TRMT9B: variants seen among roughly 807,000 people sequenced by gnomAD.
TRMT9B encodes the protein probable tRNA methyltransferase 9B.
In TRMT9B, 16 loss-of-function variants were observed where a neutral mutation model predicts 11.5. The ratio of observed to expected loss-of-function variants is 1.39; its 90% CI spans 0.94 to 2.11. The LOEUF is 2.11. TRMT9B is among the 30% of genes most tolerant of loss of function. The probability of loss-of-function intolerance (pLI) is 0.00; values close to 1 mark genes in which losing one functional copy is unlikely to be tolerated. For missense variants in TRMT9B, 941 were observed against 553.8 expected (o/e 1.70, Z -7.02); for synonymous variants, 274 against 192.4 (o/e 1.42, Z -3.51).
chr8:13,004,387 C>G (rs9657262), intron 2 of TRMT9B, among the ~76,000 whole-genome samples: 1 of 151,702 alleles, frequency 6.6e-6, no homozygotes, highest in African/African-American at 2.4e-5. Flanking sequence ...GGCTGCACAG[C>G]TCCTGGCTCC....
At position 12,955,246 on chromosome 8, in the gene TRMT9B, A is replaced by T. The variant is rs147495777; in HGVS notation, c.-200+9280A>T. Among the ~76,000 whole-genome samples, 698 of 152,270 alleles carry T rather than the reference A, an allele frequency of 4.6e-3. 3 individuals are homozygous for T. Among genetic ancestry groups the T allele is most frequent in the African/African-American group, 0.015 (644 of 41,552 alleles). On this transcript the variant is annotated intron_variant, in intron 1 of 4. Transcript: ENST00000524591. The stretch of plus-strand genomic sequence containing the variant: ...TCCTTTGGGAGCCAGAGGCTGTCAC[A>T]CTTGCATCTTCTCCACCCTAGACAG...
chr8:13,021,749 T>G lies in TRMT9B; in HGVS notation c.1070T>G (p.Val357Gly). Reference protein sequence around the residue: ...GNFLDSTNTGVNCVDAGNIED... With the variant: ...GNFLDSTNTGGNCVDAGNIED... ...TTTCTGGATAGCACTAATACTGGTG[T>G]GAATTGTGTGGATGCAGGCAACATA... Residue 357 changes from valine to glycine, a missense_variant, in exon 5 of 5, where the codon GTG (valine) becomes GGG (glycine). Transcript: ENST00000524591. The G allele has an allele frequency of 1.2e-6, 2 of 1,613,964 alleles. No homozygotes were observed. The highest frequency in any genetic ancestry group is 1.7e-6 in the Non-Finnish European group (2 of 1,179,874).
chr8:12,995,790 G>A (rs1327233540), intron 2 of TRMT9B, among the ~76,000 whole-genome samples: 1 of 152,076 alleles, frequency 6.6e-6, no homozygotes, highest in African/African-American at 2.4e-5. Context: ...TAGGTTCTAA[G>A]GCTTTTAAAT....
intron 1 of TRMT9B, among the ~76,000 whole-genome samples, chr8:12,950,758 G>C (rs1800542423): frequency 6.6e-6 from 1 of 152,038 alleles, no homozygotes. Context: ...AAATAGACCA[G>C]CGTCTATGTG....
intron 1 of TRMT9B, among the ~76,000 whole-genome samples, chr8:12,978,551 G>T (rs1273479226): frequency 1.4e-5 from 2 of 146,318 alleles, no homozygotes; most frequent in African/African-American, 2.5e-5. Flanking sequence ...TAGATAGATA[G>T]ATAGATAGAT....
intron 1 of TRMT9B, among the ~76,000 whole-genome samples, chr8:12,959,516 C>CTCTTTTTT (rs757156112): frequency 1.3e-5 from 1 of 74,896 alleles, no homozygotes; most frequent in African/African-American, 5.0e-5. Context: ...TTTTTCCTTC[C>CTCTTTTTT]TTTTTTTTTT....
intron 2 of TRMT9B, among the ~76,000 whole-genome samples, chr8:12,998,167 A>G (rs1808719587): frequency 6.6e-6 from 1 of 152,200 alleles, no homozygotes; most frequent in African/African-American, 2.4e-5. Context: ...ATGTACTACG[A>G]ATACTTCTTC....
chr8:13,011,854 T>C, intron 3 of TRMT9B: 1 of 976,306 alleles, frequency 1.0e-6, no homozygotes, highest in Non-Finnish European at 1.2e-6. Flanking sequence ...TAAAAATTCT[T>C]TTCTAATTCA....
In TRMT9B at chr8:13,028,690, C is replaced by G. The variant is rs767493683; in HGVS notation, c.*6646C>G. On this transcript the variant is annotated 3_prime_UTR_variant, in exon 5 of 5. Coordinates refer to ENST00000524591, the MANE Select transcript of TRMT9B (RefSeq NM_020844.3). The stretch of plus-strand genomic sequence containing the variant: ...TCCCAGGTTTAAGCAATTCTCGTGC[C>G]TCAGCCTCCTGAATAGCTGGGATTA... The G allele has an allele frequency of 6.6e-6, 1 of 152,474 alleles. No individual in the cohort carries two copies. Among genetic ancestry groups the G allele is most frequent in the South Asian group, 2.1e-4 (1 of 4,778 alleles). The allele number at this position is 152,474 out of a possible 1,614,324, so 9.4% of individuals were successfully genotyped here.
In TRMT9B at chr8:13,026,929, G is replaced by A. The variant is rs1435744436; in HGVS notation, c.*4885G>A. 2 of 167,034 alleles carry A rather than the reference G, an allele frequency of 1.2e-5. No individual in the cohort carries two copies. Among genetic ancestry groups the A allele is most frequent in the East Asian group, 1.9e-4 (1 of 5,208 alleles). 10.3% of individuals were successfully genotyped at this position (167,034 alleles called of 1,614,324 possible). On this transcript the variant is annotated 3_prime_UTR_variant, in exon 5 of 5. Transcript: ENST00000524591. ...ACAGCTAGACAATAATTCAATAGTAGTCTCTTACATATTTTCCCTTTTATC... is the reference window on the plus strand; with the variant it reads ...ACAGCTAGACAATAATTCAATAGTAATCTCTTACATATTTTCCCTTTTATC...
intron 1 of TRMT9B, among the ~76,000 whole-genome samples, chr8:12,956,300 T>G (rs1249512282): frequency 3.3e-5 from 5 of 152,202 alleles, no homozygotes; most frequent in Non-Finnish European, 5.9e-5. Flanking sequence ...TTAAAATTGG[T>G]AGAGATTGAC....
chr8:12,990,319 G>T (rs1194920998), intron 1 of TRMT9B, among the ~76,000 whole-genome samples: 1 of 152,086 alleles, frequency 6.6e-6, no homozygotes, highest in Non-Finnish European at 1.5e-5. Flanking sequence ...GTGGTTTTTG[G>T]TGCATTATTT....
At chr8:13,000,211 A>T (rs1185060438) in intron 2 of TRMT9B, among the ~76,000 whole-genome samples, 1 of 152,186 alleles carries the variant, frequency 6.6e-6, no homozygotes, top group African/African-American at 2.4e-5. Context: ...ATCTTTTCAG[A>T]TGACGTTTAT....
intron 2 of TRMT9B, among the ~76,000 whole-genome samples, chr8:13,003,773 C>G (rs1329550054): frequency 1.3e-5 from 2 of 150,766 alleles, no homozygotes; most frequent in Non-Finnish European, 1.5e-5. Context: ...GGTGTGTCCC[C>G]ACTCCGCCAC....
At chr8:13,012,089 C>G (rs1178847212) in intron 3 of TRMT9B, 3 of 985,406 alleles carry the variant, frequency 3.0e-6, no homozygotes, top group Non-Finnish European at 3.6e-6. Flanking sequence ...CTTGGACCAG[C>G]TAACGTGCCT....
intron 1 of TRMT9B, among the ~76,000 whole-genome samples, chr8:12,953,981 C>G (rs890693459): frequency 1.3e-5 from 2 of 152,156 alleles, no homozygotes; most frequent in Non-Finnish European, 2.9e-5. Context: ...ATTCAATTAC[C>G]GTAATGATGT....
intron 2 of TRMT9B, among the ~76,000 whole-genome samples, chr8:12,994,103 G>C (rs914305475): frequency 6.6e-6 from 1 of 152,118 alleles, no homozygotes; most frequent in African/African-American, 2.4e-5. Flanking sequence ...GCAGGCCCCA[G>C]TGACACTTGG....
At chr8:13,003,057 G>A (rs1476681907) in intron 2 of TRMT9B, among the ~76,000 whole-genome samples, 1 of 152,124 alleles carries the variant, frequency 6.6e-6, no homozygotes, top group Middle Eastern at 3.2e-3. Flanking sequence ...GGGGTCTGCT[G>A]TGTCCTAAGT....
rs1211286086 is a variant in TRMT9B, at chr8:13,029,039, T to A, written c.*6995T>A. 6.0e-6 allele frequency: 1 copy of A among 166,628 alleles called. No individual in the cohort carries two copies. The highest frequency in any genetic ancestry group is 2.4e-5 in the African/African-American group (1 of 41,300). 10.3% of individuals were successfully genotyped at this position (166,628 alleles called of 1,614,324 possible). A position where few individuals can be genotyped will look rare whatever the true frequency, so the allele number is the denominator to read the frequency against. On this transcript the variant is annotated 3_prime_UTR_variant, in exon 5 of 5. Transcript: ENST00000524591. ...TCTCTTAAATATGTATGTCTGTAAATATATATATAACACACATATATATAT... is the reference window on the plus strand; with the variant it reads ...TCTCTTAAATATGTATGTCTGTAAAAATATATATAACACACATATATATAT...
Sources: allele counts gnomAD v4.1 joint callset (sites outside exome capture counted in the v4.1 genomes callset), GRCh38; gene constraint gnomAD v4.1.1; transcripts MANE v1.5; gene names NCBI Gene and HGNC (gene_info 2026-07-23, HGNC 2026-07-21).